Variants in RUNDC3B observed in about 807,000 individuals in gnomAD.
RUNDC3B encodes the protein RUN domain containing 3B.
In RUNDC3B, 33 loss-of-function variants were observed where a neutral mutation model predicts 58.4. The observed-to-expected ratio is 0.56, with a 90% CI of 0.43 to 0.75. The LOEUF is 0.75. Ranked by LOEUF, RUNDC3B falls within the 30% of genes least tolerant of loss-of-function variation. The pLI, the probability that RUNDC3B is intolerant of heterozygous loss-of-function variation, is 0.00. For synonymous variants in RUNDC3B, 193 were observed against 195.2 expected (o/e 0.99, Z 0.10); for missense variants, 501 against 535.7 (o/e 0.94, Z 0.64).
intron 8 of RUNDC3B, among the ~76,000 whole-genome samples, chr7:87,801,347 C>T (rs1584242099): frequency 6.6e-6 from 1 of 152,124 alleles, no homozygotes; most frequent in East Asian, 1.9e-4. Context: ...TGAGGAAGAC[C>T]AGTGAGGTAA....
At chr7:87,694,026 G>A in intron 2 of RUNDC3B, 2 of 1,591,486 alleles carry the variant, frequency 1.3e-6, no homozygotes, top group Non-Finnish European at 1.7e-6. Context: ...TTTCGGGGGA[G>A]GGCTGTATCA....
chr7:87,772,892 A>C (rs1486018811), intron 7 of RUNDC3B, among the ~76,000 whole-genome samples: 1 of 152,132 alleles, frequency 6.6e-6, no homozygotes, highest in Non-Finnish European at 1.5e-5. Context: ...ACATAATGAC[A>C]TAAAAAGTTG....
At chr7:87,735,453 T>C (rs1563171788) in intron 4 of RUNDC3B, among the ~76,000 whole-genome samples, 1 of 152,216 alleles carries the variant, frequency 6.6e-6, no homozygotes, top group African/African-American at 2.4e-5. Context: ...CTTAAAACAT[T>C]GAAATGATTT....
intron 6 of RUNDC3B, among the ~76,000 whole-genome samples, chr7:87,757,880 G>A (rs955158589): frequency 6.6e-6 from 1 of 152,118 alleles, no homozygotes. Context: ...ATTTTCTAGA[G>A]AGGTCAAGAA....
chr7:87,752,362 T>C (rs1266311621), intron 6 of RUNDC3B, among the ~76,000 whole-genome samples: 8 of 152,170 alleles, frequency 5.3e-5, no homozygotes, highest in South Asian at 4.1e-4. Context: ...TCTGCCCAGC[T>C]TTGGTATCAG....
chr7:87,820,295 G>T (rs924254005), intron 10 of RUNDC3B, among the ~76,000 whole-genome samples: 1 of 152,146 alleles, frequency 6.6e-6, no homozygotes, highest in South Asian at 2.1e-4. Context: ...TAGAAGAAAT[G>T]GATAAATTCC....
intron 6 of RUNDC3B, among the ~76,000 whole-genome samples, chr7:87,753,908 A>T (rs567522794): frequency 6.6e-6 from 1 of 152,184 alleles, no homozygotes; most frequent in African/African-American, 2.4e-5. Context: ...GGCTGGTATC[A>T]TGCAGTCAGT....
At chr7:87,762,315 C>T (rs1833735994) in intron 6 of RUNDC3B, among the ~76,000 whole-genome samples, 1 of 151,354 alleles carries the variant, frequency 6.6e-6, no homozygotes, top group East Asian at 1.9e-4. Context: ...TGGAATAAAC[C>T]TATTGTGAAC....
chr7:87,644,820 A>T (rs1485202074), intron 1 of RUNDC3B, among the ~76,000 whole-genome samples: 1 of 151,942 alleles, frequency 6.6e-6, no homozygotes, highest in Non-Finnish European at 1.5e-5. Flanking sequence ...TCACTATAAA[A>T]ATAATTTCTA....
intron 4 of RUNDC3B, among the ~76,000 whole-genome samples, chr7:87,716,418 A>G (rs1252746450): frequency 1.3e-5 from 2 of 152,198 alleles, no homozygotes; most frequent in Admixed American, 6.5e-5. Flanking sequence ...TCTGTTTCTG[A>G]ACTGTTTGAA....
At chr7:87,709,987 T>C (rs1829922423) in intron 3 of RUNDC3B, among the ~76,000 whole-genome samples, 1 of 152,170 alleles carries the variant, frequency 6.6e-6, no homozygotes, top group Non-Finnish European at 1.5e-5. Flanking sequence ...TTGTTTGTTT[T>C]TCTAGTTTAA....
At chr7:87,707,273 G>C (rs1271907194) in intron 3 of RUNDC3B, among the ~76,000 whole-genome samples, 1 of 152,112 alleles carries the variant, frequency 6.6e-6, no homozygotes, top group Non-Finnish European at 1.5e-5. Context: ...AAACCTATGG[G>C]TGATAGAGAC....
chr7:87,759,257 A>G (rs1410915650), intron 6 of RUNDC3B, among the ~76,000 whole-genome samples: 2 of 152,186 alleles, frequency 1.3e-5, no homozygotes, highest in Non-Finnish European at 2.9e-5. Flanking sequence ...ATATTCTCAT[A>G]CGAGGGAGCT....
rs1838067682 is a variant in RUNDC3B, at chr7:87,830,372, G to A, written c.*342G>A. 2.0e-5 allele frequency: 3 copies of A among 149,454 alleles called. No homozygotes were observed. Among genetic ancestry groups the A allele is most frequent in the African/African-American group, 7.7e-5 (3 of 39,194 alleles). The allele number at this position is 149,454 out of a possible 1,614,324, so 9.3% of individuals were successfully genotyped here. Reference sequence around the variant, plus strand: ...AAATACACCTTAGTGGCCAGAGACTGACTTCAAGGTTTTATTCCAGAGACT... The same window carrying A: ...AAATACACCTTAGTGGCCAGAGACTAACTTCAAGGTTTTATTCCAGAGACT... On this transcript the variant is annotated 3_prime_UTR_variant, in exon 11 of 11. Transcript: ENST00000394654.
At chr7:87,751,554 C>A (rs567843508) in intron 6 of RUNDC3B, among the ~76,000 whole-genome samples, 2 of 152,106 alleles carry the variant, frequency 1.3e-5, no homozygotes, top group Admixed American at 1.3e-4. Flanking sequence ...CTTTTATTTC[C>A]TTGAGCAGTG....
At chr7:87,751,370 T>C (rs1832973138) in intron 6 of RUNDC3B, among the ~76,000 whole-genome samples, 1 of 152,202 alleles carries the variant, frequency 6.6e-6, no homozygotes, top group South Asian at 2.1e-4. Context: ...CGGGCTCTTT[T>C]TTTATTCCAC....
chr7:87,787,403 T>C (rs747212929), intron 8 of RUNDC3B, among the ~76,000 whole-genome samples: 1 of 152,180 alleles, frequency 6.6e-6, no homozygotes, highest in Non-Finnish European at 1.5e-5. Flanking sequence ...AGGTAGAATA[T>C]GAGGCATGTA....
intron 1 of RUNDC3B, among the ~76,000 whole-genome samples, chr7:87,634,897 G>A (rs1242057476): frequency 3.3e-5 from 5 of 152,078 alleles, no homozygotes; most frequent in East Asian, 3.9e-4. Context: ...TAGTAGATGC[G>A]CACAATGGAG....
In RUNDC3B at chr7:87,650,813, T is replaced by C. The variant is rs760055821; in HGVS notation, c.123-9T>C. 6 of 1,555,872 alleles carry C rather than the reference T, an allele frequency of 3.9e-6. No homozygotes were observed. The highest frequency in any genetic ancestry group is 4.4e-6 in the Non-Finnish European group (5 of 1,127,298). On this transcript the variant is annotated splice_polypyrimidine_tract_variant and intron_variant, in intron 1 of 10. Coordinates refer to ENST00000394654, the MANE Select transcript of RUNDC3B (RefSeq NM_001134405.2). ...CTGCCTAAAAGCAACAATAATCTTTTTTTCATAGGTTTTCTGTGAAGACCC... is the reference window on the plus strand; with the variant it reads ...CTGCCTAAAAGCAACAATAATCTTTCTTTCATAGGTTTTCTGTGAAGACCC...
Sources: gnomAD v4.1 joint callset for allele counts (sites outside exome capture counted in the v4.1 genomes callset) on GRCh38, gnomAD v4.1.1 for gene constraint, MANE v1.5 for transcripts, NCBI Gene and HGNC (gene_info 2026-07-23, HGNC 2026-07-21) for gene names.